The following ZFPM2 variants were observed in gnomAD, a reference collection of about 807,000 sequenced individuals.
ZFPM2 encodes the protein zinc finger protein ZFPM2.
In ZFPM2, 20 loss-of-function variants were observed where a neutral mutation model predicts 98.6. That is an observed-to-expected ratio of 0.20 (90% CI 0.14 to 0.29). The LOEUF (loss-of-function observed/expected upper bound fraction) is 0.29. ZFPM2 is among the 10% of genes least tolerant of loss of function. The probability of loss-of-function intolerance (pLI) is 1.00; values close to 1 mark genes in which losing one functional copy is unlikely to be tolerated. For synonymous variants in ZFPM2, 518 were observed against 502.7 expected (o/e 1.03, Z -0.41); for missense variants, 1,310 against 1,388.6 (o/e 0.94, Z 0.90).
At chr8:105,561,847 A>G (rs1399524315) in intron 4 of ZFPM2, among the ~76,000 whole-genome samples, 1 of 152,206 alleles carries the variant, frequency 6.6e-6, no homozygotes, top group Non-Finnish European at 1.5e-5. Context: ...AGAACAAGAA[A>G]TAAACAACTT....
chr8:105,648,153 T>G (rs1817089386), intron 5 of ZFPM2, among the ~76,000 whole-genome samples: 1 of 152,228 alleles, frequency 6.6e-6, no homozygotes, highest in Admixed American at 6.5e-5. Flanking sequence ...TTTTCCTGTG[T>G]CTGTTGGCTG....
chr8:105,803,026 T>C lies in ZFPM2; in HGVS notation c.2944T>C (p.Ser982Pro). Residue 982 changes from serine to proline, a missense_variant, in exon 8 of 8, where the codon TCT (serine) becomes CCT (proline). Coordinates refer to ENST00000407775, the MANE Select transcript of ZFPM2 (RefSeq NM_012082.4). Reference sequence around the variant, plus strand: ...GAAAGCAAAAGGAGCCGACCAGCTTTCTCCATATTATGGAATCAAGCCAAG... The same window carrying C: ...GAAAGCAAAAGGAGCCGACCAGCTTCCTCCATATTATGGAATCAAGCCAAG... The part of the protein sequence containing the change: ...IKKAKGADQL[S>P]PYYGIKPSDY... The C allele has an allele frequency of 1.2e-6, 2 of 1,613,324 alleles. No homozygotes were observed. The highest frequency in any genetic ancestry group is 2.2e-5 in the East Asian group (1 of 44,818).
intron 4 of ZFPM2, among the ~76,000 whole-genome samples, chr8:105,593,662 A>G (rs921302949): frequency 1.3e-5 from 2 of 151,854 alleles, no homozygotes; most frequent in African/African-American, 4.8e-5. Context: ...GAAAAAAAAA[A>G]AAAAAGGAAA....
intron 5 of ZFPM2, among the ~76,000 whole-genome samples, chr8:105,635,229 A>C (rs1247840798): frequency 6.6e-6 from 1 of 152,188 alleles, no homozygotes; most frequent in Non-Finnish European, 1.5e-5. Flanking sequence ...GTATTTGCAC[A>C]TTGAACCTAG....
intron 5 of ZFPM2, among the ~76,000 whole-genome samples, chr8:105,644,123 C>T (rs1483140224): frequency 6.6e-6 from 1 of 152,070 alleles, no homozygotes; most frequent in African/African-American, 2.4e-5. Context: ...ATATGATCTG[C>T]TCTTGGATGC....
intron 2 of ZFPM2, among the ~76,000 whole-genome samples, chr8:105,442,819 T>A (rs1812281091): frequency 6.6e-6 from 1 of 152,160 alleles, no homozygotes; most frequent in Admixed American, 6.5e-5. Flanking sequence ...AACATCATGT[T>A]AAATGTCATT....
chr8:105,421,575 C>T (rs1369703597), intron 2 of ZFPM2, among the ~76,000 whole-genome samples: 1 of 152,074 alleles, frequency 6.6e-6, no homozygotes, highest in Non-Finnish European at 1.5e-5. Context: ...GATTTTTCAT[C>T]CCTTGAGGTC....
Position 105,803,212 on chromosome 8 carries a change from G to C in ZFPM2, c.3130G>C (p.Val1044Leu). 1 of 1,612,856 alleles carries C rather than the reference G, an allele frequency of 6.2e-7. No individual in the cohort carries two copies. The highest frequency in any genetic ancestry group is 1.3e-5 in the African/African-American group (1 of 74,982). ...GCCCAAAAATCGAGGAATGGTAATA[G>C]TGAATGGTGGACTGAAACAAGATGA... ...LLPKNRGMVI[V>L]NGGLKQDERP... The change falls in exon 8 of 8, where the codon GTG (valine) becomes CTG (leucine). Residue 1044 changes from valine (V) to leucine (L), a missense_variant. By Grantham distance (32) the Val-to-Leu change is conservative. Transcript: ENST00000407775.
chr8:105,601,913 G>A (rs1816101085), intron 4 of ZFPM2, among the ~76,000 whole-genome samples: 1 of 152,078 alleles, frequency 6.6e-6, no homozygotes, highest in African/African-American at 2.4e-5. Context: ...CCAAGGGCAG[G>A]AATTCACTGG....
intron 3 of ZFPM2, among the ~76,000 whole-genome samples, chr8:105,500,544 A>G (rs1813570052): frequency 6.6e-6 from 1 of 152,144 alleles, no homozygotes; most frequent in Non-Finnish European, 1.5e-5. Context: ...AAAGTAAACA[A>G]CTACACTGAG....
At chr8:105,793,455 G>A (rs1037979725) in intron 6 of ZFPM2, among the ~76,000 whole-genome samples, 62 of 152,242 alleles carry the variant, frequency 4.1e-4, no homozygotes, top group African/African-American at 7.0e-4. Flanking sequence ...CGAGAGATCC[G>A]CTGTTAGTCT....
chr8:105,479,501 A>G (rs1350073239), intron 3 of ZFPM2, among the ~76,000 whole-genome samples: 2 of 152,224 alleles, frequency 1.3e-5, no homozygotes, highest in African/African-American at 4.8e-5. Context: ...AAACATTTAC[A>G]TAATGTGGTA....
intron 5 of ZFPM2, among the ~76,000 whole-genome samples, chr8:105,744,410 G>C (rs1330498458): frequency 2.0e-5 from 3 of 152,084 alleles, no homozygotes; most frequent in Non-Finnish European, 2.9e-5. Flanking sequence ...TATGCATTGA[G>C]CCCATTGGTG....
intron 1 of ZFPM2, among the ~76,000 whole-genome samples, chr8:105,392,542 T>G (rs1226623507): frequency 6.6e-6 from 1 of 152,204 alleles, no homozygotes; most frequent in Non-Finnish European, 1.5e-5. Flanking sequence ...TTAACAAATT[T>G]GCTAAGTGTC....
chr8:105,393,340 T>G (rs112372107), intron 1 of ZFPM2, among the ~76,000 whole-genome samples: 10,202 of 51,300 alleles, frequency 0.2, 583 homozygotes, highest in Middle Eastern at 0.23. Context: ...CTCTTTGCCT[T>G]TCTTTCTTTC....
chr8:105,363,945 A>G (rs1354326248), intron 1 of ZFPM2, among the ~76,000 whole-genome samples: 1 of 152,104 alleles, frequency 6.6e-6, no homozygotes, highest in Non-Finnish European at 1.5e-5. Context: ...AGTCTGTCTT[A>G]TGTACTGCAT....
chr8:105,394,582 C>CA (rs1356309512), intron 1 of ZFPM2, among the ~76,000 whole-genome samples: 1 of 152,052 alleles, frequency 6.6e-6, no homozygotes, highest in Non-Finnish European at 1.5e-5. Flanking sequence ...AACTTTTAAA[C>CA]AAAAAAGCTG....
At chr8:105,733,179 T>A (rs1811986392) in intron 5 of ZFPM2, among the ~76,000 whole-genome samples, 1 of 151,898 alleles carries the variant, frequency 6.6e-6, no homozygotes, top group Non-Finnish European at 1.5e-5. Flanking sequence ...GATATAGCTA[T>A]ATACACCCAG....
intron 4 of ZFPM2, among the ~76,000 whole-genome samples, chr8:105,572,038 T>C (rs1476442806): frequency 4.8e-5 from 6 of 124,790 alleles, no homozygotes; most frequent in Non-Finnish European, 6.9e-5. Flanking sequence ...AATTTCTTTT[T>C]TTTTTTTTTT....
Sources: gnomAD v4.1 joint callset for allele counts (sites outside exome capture counted in the v4.1 genomes callset) on GRCh38, gnomAD v4.1.1 for gene constraint, MANE v1.5 for transcripts, NCBI Gene and HGNC (gene_info 2026-07-23, HGNC 2026-07-21) for gene names.